Variants in C12orf42 observed in about 807,000 individuals in gnomAD.
C12orf42 encodes the protein uncharacterized protein C12orf42.
A neutral mutation model predicts 21.6 loss-of-function variants in C12orf42; 25 were observed. That is an observed-to-expected ratio of 1.16 (90% CI 0.84 to 1.62). C12orf42 has a LOEUF of 1.62. C12orf42 is among the 40% of genes most tolerant of loss of function. The probability of loss-of-function intolerance (pLI) is 0.00; values close to 1 mark genes in which losing one functional copy is unlikely to be tolerated. For synonymous variants in C12orf42, 174 were observed against 175.0 expected (o/e 0.99, Z 0.05); for missense variants, 483 against 459.3 (o/e 1.05, Z -0.47).
intron 1 of C12orf42, among the ~76,000 whole-genome samples, chr12:103,479,829 GA>G (rs1370799188): frequency 1.3e-5 from 2 of 152,068 alleles, no homozygotes; most frequent in East Asian, 3.9e-4. Flanking sequence ...TACAGTGCTG[GA>G]TGGTGCTAAA....
At chr12:103,083,342 C>T in the C12orf42 span, among the ~76,000 whole-genome samples, 147 of 152,126 alleles carry the variant, frequency 9.7e-4, no homozygotes, top group Middle Eastern at 0.01. Flanking sequence ...CCAGCCTGGG[C>T]GACAGAGTAA....
intron 2 of C12orf42, among the ~76,000 whole-genome samples, chr12:103,443,409 GT>G (rs1565837158): frequency 6.6e-6 from 1 of 152,038 alleles, no homozygotes; most frequent in African/African-American, 2.4e-5. Context: ...GCACTCTAGA[GT>G]TTAGGTAACT....
At chr12:103,540,907 CT>C in the C12orf42 span, among the ~76,000 whole-genome samples, 1 of 151,810 alleles carries the variant, frequency 6.6e-6, no homozygotes, top group South Asian at 2.1e-4. Flanking sequence ...TTCTTTCTTT[CT>C]TTCTTTTTTT....
At chr12:103,291,970 T>G (rs1400252632) in intron 4 of C12orf42, among the ~76,000 whole-genome samples, 1 of 151,936 alleles carries the variant, frequency 6.6e-6, no homozygotes, top group East Asian at 1.9e-4. Flanking sequence ...GGTACATGAG[T>G]GTTGATAGCA....
chr12:103,494,025 G>C (rs1017915031), intron 1 of C12orf42, among the ~76,000 whole-genome samples: 2 of 152,144 alleles, frequency 1.3e-5, no homozygotes, highest in African/African-American at 4.8e-5. Context: ...ATTTGAAAAA[G>C]TCATTATGAG....
At chr12:103,455,847 C>G (rs538263239) in intron 2 of C12orf42, among the ~76,000 whole-genome samples, 1 of 152,204 alleles carries the variant, frequency 6.6e-6, no homozygotes, top group South Asian at 2.1e-4. Flanking sequence ...CCTTTTTGCT[C>G]TACCAAGGAT....
chr12:103,225,926 T>G, the C12orf42 span, among the ~76,000 whole-genome samples: 1 of 152,284 alleles, frequency 6.6e-6, no homozygotes, highest in African/African-American at 2.4e-5. Context: ...TCCTAGGCGA[T>G]CGGGCAGTGT....
intron 4 of C12orf42, among the ~76,000 whole-genome samples, chr12:103,284,425 C>A (rs1421194441): frequency 2.0e-5 from 3 of 152,080 alleles, no homozygotes; most frequent in Non-Finnish European, 4.4e-5. Flanking sequence ...CTTGGAGACA[C>A]AAGGATGAGT....
chr12:103,310,037 GAT>G (rs1196249505), intron 4 of C12orf42, among the ~76,000 whole-genome samples: 23 of 152,314 alleles, frequency 1.5e-4, no homozygotes, highest in South Asian at 4.1e-4. Context: ...GTAGACAGTT[GAT>G]ATAGTTTGTA....
chr12:103,389,400 TGAG>T (rs2046885444), intron 3 of C12orf42, among the ~76,000 whole-genome samples: 1 of 152,208 alleles, frequency 6.6e-6, no homozygotes, highest in Non-Finnish European at 1.5e-5. Context: ...TGCTCTCCTC[TGAG>T]GAGGGAGGCC....
chr12:103,162,168 C>T, the C12orf42 span, among the ~76,000 whole-genome samples: 2 of 152,194 alleles, frequency 1.3e-5, no homozygotes, highest in Admixed American at 6.5e-5. Context: ...GCGCCTTTGT[C>T]CTATGTCCCT....
chr12:103,126,670 A>G, the C12orf42 span, among the ~76,000 whole-genome samples: 1 of 152,174 alleles, frequency 6.6e-6, no homozygotes, highest in Non-Finnish European at 1.5e-5. Context: ...TAACTAAAAA[A>G]AAAAAAAGGA....
At chr12:103,460,188 C>T (rs1952594598) in intron 2 of C12orf42, among the ~76,000 whole-genome samples, 1 of 151,856 alleles carries the variant, frequency 6.6e-6, no homozygotes, top group Non-Finnish European at 1.5e-5. Context: ...TAGCAGGCAA[C>T]CTTTACACAA....
At chr12:103,158,145 A>G in the C12orf42 span, among the ~76,000 whole-genome samples, 1 of 152,214 alleles carries the variant, frequency 6.6e-6, no homozygotes, top group African/African-American at 2.4e-5. Flanking sequence ...CATCACAAGC[A>G]TTGCGTGGAT....
chr12:103,446,531 A>G (rs1192195895), intron 2 of C12orf42, among the ~76,000 whole-genome samples: 3 of 152,072 alleles, frequency 2.0e-5, no homozygotes, highest in Admixed American at 6.6e-5. Flanking sequence ...TTGAATGTAA[A>G]TAGCCTAAAT....
At chr12:103,529,649 A>G in the C12orf42 span, among the ~76,000 whole-genome samples, 1 of 152,154 alleles carries the variant, frequency 6.6e-6, no homozygotes, top group African/African-American at 2.4e-5. Context: ...GTCTCTCTGG[A>G]GTGTGTTACA....
chr12:103,500,779 G>A (rs766703878), upstream of C12orf42, among the ~76,000 whole-genome samples: 20 of 152,210 alleles, frequency 1.3e-4, no homozygotes, highest in Non-Finnish European at 2.5e-4. Flanking sequence ...ATGTCACTTA[G>A]CAGAAAGTTT....
At chr12:103,394,882 G>A (rs2047383671) in intron 3 of C12orf42, among the ~76,000 whole-genome samples, 1 of 152,210 alleles carries the variant, frequency 6.6e-6, no homozygotes, top group Non-Finnish European at 1.5e-5. Flanking sequence ...ATGGTACAAA[G>A]GTGGGAGCTT....
intron 3 of C12orf42, among the ~76,000 whole-genome samples, chr12:103,376,379 G>T (rs186050129): frequency 9.2e-5 from 14 of 151,962 alleles, no homozygotes; most frequent in Non-Finnish European, 4.4e-5. Flanking sequence ...ACGCAGGGAG[G>T]GGAACATCAC....
Sources: gnomAD v4.1 joint callset for allele counts (sites outside exome capture counted in the v4.1 genomes callset) on GRCh38, gnomAD v4.1.1 for gene constraint, MANE v1.5 for transcripts, NCBI Gene and HGNC (gene_info 2026-07-23, HGNC 2026-07-21) for gene names.